TRIM2: variants seen among roughly 807,000 people sequenced by gnomAD.
TRIM2 encodes tripartite motif-containing protein 2.
Under a neutral mutation model 75.2 loss-of-function variants are expected in TRIM2, and 20 were observed. The ratio of observed to expected loss-of-function variants is 0.27; its 90% CI spans 0.19 to 0.39. The LOEUF (loss-of-function observed/expected upper bound fraction) is 0.39. Among genes scored for constraint, TRIM2 ranks in the 10% least tolerant of loss-of-function variants. TRIM2 has a pLI of 1.00. For missense variants in TRIM2, 660 were observed against 990.8 expected (o/e 0.67, Z 4.48); for synonymous variants, 373 against 388.3 (o/e 0.96, Z 0.46).
chr4:153,323,006 G>A (rs1769350408), intron 9 of TRIM2, among the ~76,000 whole-genome samples, 190 bp downstream of exon 9: 1 of 152,218 alleles, frequency 6.6e-6, no homozygotes. Context: ...CCACCCGGCA[G>A]TAAGTTGAGC....
chr4:153,266,289 C>T (rs1480257881), intron 1 of TRIM2, among the ~76,000 whole-genome samples: 2 of 151,938 alleles, frequency 1.3e-5, no homozygotes, highest in Non-Finnish European at 2.9e-5. Flanking sequence ...CCCACCTCAG[C>T]CTCCTGAGCA....
intron 1 of TRIM2, among the ~76,000 whole-genome samples, chr4:153,250,567 T>C (rs1372350576): frequency 6.6e-6 from 1 of 152,204 alleles, no homozygotes; most frequent in Non-Finnish European, 1.5e-5. Flanking sequence ...CCAAAATTCC[T>C]CCTTGGATAG....
At chr4:153,232,078 A>G (rs1158211657) in intron 1 of TRIM2, among the ~76,000 whole-genome samples, 1 of 152,182 alleles carries the variant, frequency 6.6e-6, no homozygotes, top group Non-Finnish European at 1.5e-5. Flanking sequence ...ATCCAAAAAT[A>G]CTTCCGGCCC....
At chr4:153,328,736 G>C in intron 11 of TRIM2, 66 bp downstream of exon 11, 1 of 1,471,544 alleles carries the variant, frequency 6.8e-7, no homozygotes, top group East Asian at 2.5e-5. Flanking sequence ...AGAATTTGCT[G>C]TCCCCCAAAC....
chr4:153,284,936 T>C (rs1434294874), intron 3 of TRIM2, among the ~76,000 whole-genome samples: 1 of 152,242 alleles, frequency 6.6e-6, no homozygotes, highest in East Asian at 1.9e-4. Context: ...AAAAATACTT[T>C]TAATTTAATG....
At chr4:153,153,759 G>C (rs996442636) in intron 1 of TRIM2, among the ~76,000 whole-genome samples, 2 of 152,174 alleles carry the variant, frequency 1.3e-5, no homozygotes, top group African/African-American at 4.8e-5. Flanking sequence ...CTCAGGGAGC[G>C]GCGCGCATCG....
At chr4:153,249,356 G>GC (rs1401645281) in intron 1 of TRIM2, among the ~76,000 whole-genome samples, 3 of 152,208 alleles carry the variant, frequency 2.0e-5, no homozygotes, top group Non-Finnish European at 4.4e-5. Flanking sequence ...CGGGGTGAAA[G>GC]CCCCTAGGGC....
At chr4:153,313,063 C>G (rs919833695) in intron 6 of TRIM2, among the ~76,000 whole-genome samples, 1 of 152,140 alleles carries the variant, frequency 6.6e-6, no homozygotes, top group African/African-American at 2.4e-5. Flanking sequence ...TGTGATTTAA[C>G]TTACATGTGG....
At chr4:153,196,026 T>A (rs530645570) in intron 1 of TRIM2, among the ~76,000 whole-genome samples, 1 of 152,318 alleles carries the variant, frequency 6.6e-6, no homozygotes, top group Admixed American at 6.5e-5. Context: ...GCCAGGCTAG[T>A]CTTGAACACC....
chr4:153,233,010 G>C (rs1744076304), intron 1 of TRIM2, among the ~76,000 whole-genome samples: 1 of 152,224 alleles, frequency 6.6e-6, no homozygotes, highest in Non-Finnish European at 1.5e-5. Context: ...TCTAGACATA[G>C]ATTTGGAAGT....
At chr4:153,288,975 G>T (rs1454462717) in intron 3 of TRIM2, among the ~76,000 whole-genome samples, 2 of 152,004 alleles carry the variant, frequency 1.3e-5, no homozygotes, top group African/African-American at 4.8e-5. Flanking sequence ...TCCATTTAGT[G>T]AGACATTGTT....
chr4:153,201,381 T>C (rs1052827710), upstream of TRIM2, among the ~76,000 whole-genome samples: 4 of 152,192 alleles, frequency 2.6e-5, no homozygotes, highest in African/African-American at 9.7e-5. Context: ...TTTGCCCATC[T>C]TTAGGTTGGG....
At chr4:153,213,273 G>A (rs1433415476) in intron 1 of TRIM2, among the ~76,000 whole-genome samples, 1 of 152,180 alleles carries the variant, frequency 6.6e-6, no homozygotes, top group Non-Finnish European at 1.5e-5. Flanking sequence ...TAACCATTAT[G>A]TGATGCCTCC....
At chr4:153,211,161 A>G (rs962311781) in intron 1 of TRIM2, among the ~76,000 whole-genome samples, 3 of 152,062 alleles carry the variant, frequency 2.0e-5, no homozygotes, top group Admixed American at 6.5e-5. Flanking sequence ...GTGGTGTCTC[A>G]AGCTTCCAGG....
chr4:153,237,541 G>A (rs61366841), intron 1 of TRIM2, among the ~76,000 whole-genome samples: 148 of 152,190 alleles, frequency 9.7e-4, no homozygotes, highest in African/African-American at 3.3e-3. Context: ...TTAGCCGAGG[G>A]TGGTGGCAGG....
chr4:153,244,589 A>G (rs184460993), intron 1 of TRIM2, among the ~76,000 whole-genome samples: 1 of 151,690 alleles, frequency 6.6e-6, no homozygotes, highest in Admixed American at 6.6e-5. Flanking sequence ...ATGTACAAAA[A>G]TTTGATTCTT....
chr4:153,254,381 G>A (rs1387214844), intron 1 of TRIM2, among the ~76,000 whole-genome samples: 1 of 152,200 alleles, frequency 6.6e-6, no homozygotes, highest in African/African-American at 2.4e-5. Context: ...GCTGATGGCA[G>A]TTTAGCTCTA....
chr4:153,244,121 ATCT>A lies in TRIM2; in HGVS notation c.31-26194_31-26192del, dbSNP rs895189975. On this transcript the variant is annotated intron_variant, in intron 1 of 11. Coordinates refer to ENST00000338700, the MANE Select transcript of TRIM2 (RefSeq NM_015271.5). ...ACACATGAGCTACTGTGCCACTGCC[ATCT>A]TCTTCTTCTTCTTCTTCTTGTTCTT... Among the ~76,000 whole-genome samples, 57 of 145,642 alleles carry A rather than the reference ATCT, an allele frequency of 3.9e-4. 3 individuals are homozygous for A. The highest frequency in any genetic ancestry group is 8.6e-4 in the African/African-American group (33 of 38,208).
intron 6 of TRIM2, among the ~76,000 whole-genome samples, chr4:153,303,244 A>C (rs1424218770): frequency 6.6e-6 from 1 of 151,830 alleles, no homozygotes. Context: ...CGGGCGGACC[A>C]CCTGAGGTCA....
Sources: allele counts gnomAD v4.1 joint callset (sites outside exome capture counted in the v4.1 genomes callset), GRCh38; gene constraint gnomAD v4.1.1; transcripts MANE v1.5; gene names NCBI Gene and HGNC (gene_info 2026-07-23, HGNC 2026-07-21).